GCNT2: variants seen among roughly 807,000 people sequenced by gnomAD.
GCNT2 encodes the protein glucosaminyl (N-acetyl) transferase 2 (I blood group), also known as N-acetyllactosaminide beta-1,6-N-acetylglucosaminyl-transferase.
In GCNT2, 34 loss-of-function variants were observed where a neutral mutation model predicts 34.2. The ratio of observed to expected loss-of-function variants is 1.00; its 90% CI spans 0.76 to 1.32. The LOEUF is 1.32. GCNT2 is among the 40% of genes most tolerant of loss of function. GCNT2 has a pLI of 0.00. For missense variants in GCNT2, 584 were observed against 489.4 expected, an observed-to-expected ratio of 1.19 and a Z score of -1.82; for synonymous variants, 212 against 188.0, an observed-to-expected ratio of 1.13 and a Z score of -1.04.
chr6:10,601,430 A>G (rs1368161053), intron 3 of GCNT2, among the ~76,000 whole-genome samples: 1 of 152,166 alleles, frequency 6.6e-6, no homozygotes, highest in African/African-American at 2.4e-5. Flanking sequence ...CAGACTCATA[A>G]AAGTTGCCAT....
intron 2 of GCNT2, among the ~76,000 whole-genome samples, chr6:10,528,200 C>T (rs967439276): frequency 1.3e-5 from 2 of 152,142 alleles, no homozygotes; most frequent in Non-Finnish European, 2.9e-5. Context: ...CTTTACCCAG[C>T]AGCAGACAAA....
intron 1 of GCNT2, among the ~76,000 whole-genome samples, chr6:10,523,094 A>AT (rs2113467776): frequency 6.6e-6 from 1 of 152,326 alleles, no homozygotes; most frequent in South Asian, 2.1e-4. Flanking sequence ...TCAGTCTTGC[A>AT]TTGCCTCAAA....
chr6:10,555,415 G>C (rs556979383), intron 3 of GCNT2, among the ~76,000 whole-genome samples: 1 of 152,218 alleles, frequency 6.6e-6, no homozygotes, highest in East Asian at 1.9e-4. Context: ...AAGCTTAACT[G>C]GGCAGGCATA....
chr6:10,614,462 A>C (rs1387798258), intron 3 of GCNT2, among the ~76,000 whole-genome samples: 1 of 152,030 alleles, frequency 6.6e-6, no homozygotes, highest in Non-Finnish European at 1.5e-5. Context: ...TATCTCTACT[A>C]AAAATACAAA....
chr6:10,607,510 C>T (rs1027705224), intron 3 of GCNT2, among the ~76,000 whole-genome samples: 6 of 152,114 alleles, frequency 3.9e-5, no homozygotes, highest in Non-Finnish European at 7.4e-5. Context: ...CCAGCTCCAA[C>T]GCTGAGGATT....
At chr6:10,558,584 A>G (rs1206790358) in intron 3 of GCNT2, among the ~76,000 whole-genome samples, 2 of 152,232 alleles carry the variant, frequency 1.3e-5, no homozygotes, top group African/African-American at 4.8e-5. Flanking sequence ...TTTGGACTCA[A>G]TGAAAAATAC....
chr6:10,586,662 G>C lies in GCNT2; in HGVS notation c.926-34689G>C, dbSNP rs1410352877. ...CCCAGGGGTGCTGCCTCCTGACCAT[G>C]CAATTAAGCGAACTAAATATGTCCA... On this transcript the variant is annotated intron_variant, in intron 3 of 4. Coordinates refer to ENST00000495262, the MANE Select transcript of GCNT2 (RefSeq NM_145649.5). 1.9e-6 allele frequency: 3 copies of C among 1,614,034 alleles called. No homozygotes were observed. The African/African-American group carries it at 4.0e-5, about 22-fold the overall frequency.
intron 3 of GCNT2, among the ~76,000 whole-genome samples, chr6:10,605,208 A>AT (rs869167781): frequency 0.077 from 7,274 of 93,994 alleles, 528 homozygotes; most frequent in Middle Eastern, 0.083. Flanking sequence ...TCATGTAGGA[A>AT]TTTTTTTTTT....
intron 3 of GCNT2, among the ~76,000 whole-genome samples, chr6:10,613,867 G>T (rs1257579402): frequency 6.6e-6 from 1 of 152,180 alleles, no homozygotes; most frequent in African/African-American, 2.4e-5. Context: ...CTGGTTAGTG[G>T]CAAAGCTGGA....
intron 3 of GCNT2, among the ~76,000 whole-genome samples, chr6:10,611,334 C>CTTTT (rs200808872): frequency 3.7e-5 from 5 of 136,446 alleles, no homozygotes; most frequent in East Asian, 2.1e-4. Context: ...TTCTTTCTTT[C>CTTTT]TTTTTTTTTT....
intron 3 of GCNT2, among the ~76,000 whole-genome samples, chr6:10,590,374 G>T (rs891247686): frequency 7.3e-5 from 11 of 150,830 alleles, no homozygotes; most frequent in Non-Finnish European, 1.3e-4. Flanking sequence ...CTCCAGCCTG[G>T]GTGACAGAGT....
chr6:10,575,031 A>G (rs1763740181), intron 3 of GCNT2: 1 of 648,420 alleles, frequency 1.5e-6, no homozygotes, highest in East Asian at 2.9e-5. Flanking sequence ...GCTGGGGAAC[A>G]CTGCAGACTC....
At chr6:10,591,665 CCCT>C (rs1410856818) in intron 3 of GCNT2, among the ~76,000 whole-genome samples, 10 of 152,192 alleles carry the variant, frequency 6.6e-5, no homozygotes, top group South Asian at 2.1e-4. Context: ...GCCACCCACT[CCCT>C]CCTCCTGCTA....
intron 1 of GCNT2, among the ~76,000 whole-genome samples, chr6:10,523,938 A>C (rs1761054174): frequency 7.3e-6 from 1 of 137,514 alleles, no homozygotes; most frequent in Admixed American, 8.5e-5. Flanking sequence ...GCGCCACTGC[A>C]CTCCAGCCTG....
chr6:10,571,483 A>C (rs1265878320), intron 3 of GCNT2, among the ~76,000 whole-genome samples: 1 of 151,962 alleles, frequency 6.6e-6, no homozygotes, highest in Non-Finnish European at 1.5e-5. Flanking sequence ...CTCCCGAGTA[A>C]CTAGGATTAC....
chr6:10,598,473 C>G (rs1319556454), intron 3 of GCNT2, among the ~76,000 whole-genome samples: 1 of 152,206 alleles, frequency 6.6e-6, no homozygotes, highest in Admixed American at 6.5e-5. Context: ...CATTGAATTT[C>G]TCTCTTTGTC....
At chr6:10,592,963 G>A (rs186131172) in intron 3 of GCNT2, among the ~76,000 whole-genome samples, 5 of 152,158 alleles carry the variant, frequency 3.3e-5, no homozygotes, top group Non-Finnish European at 5.9e-5. Flanking sequence ...AGGTGGTCTC[G>A]ATCTCTTGAC....
chr6:10,580,667 C>T (rs1242536803), intron 3 of GCNT2, among the ~76,000 whole-genome samples: 4 of 151,912 alleles, frequency 2.6e-5, no homozygotes, highest in African/African-American at 4.8e-5. Context: ...TGATGAAGAA[C>T]GGCAAGGATT....
rs1034379984 is a variant in GCNT2, at chr6:10,534,139, CTCT to C, written c.925+4305_925+4307del. Among the ~76,000 whole-genome samples, 24 of 123,230 alleles carry C rather than the reference CTCT, an allele frequency of 1.9e-4. 4 individuals carry two copies. The highest frequency in any genetic ancestry group is 5.3e-4 in the Admixed American group (6 of 11,350). 80.8% of individuals were successfully genotyped at this position (123,230 alleles called of 152,430 possible). A position where few individuals can be genotyped will look rare whatever the true frequency, so the allele number is the denominator to read the frequency against. On this transcript the variant is annotated intron_variant, in intron 3 of 4. Coordinates refer to ENST00000495262, the MANE Select transcript of GCNT2 (RefSeq NM_145649.5). ...CTGGTATCTGCCAGATTCCATGCTGCTCTTTTTTTTTTTTTTTTTTAAGATGGA... is the reference window on the plus strand; with the variant it reads ...CTGGTATCTGCCAGATTCCATGCTGCTTTTTTTTTTTTTTTTTAAGATGGA...
Sources: gnomAD v4.1 joint callset for allele counts (sites outside exome capture counted in the v4.1 genomes callset) on GRCh38, gnomAD v4.1.1 for gene constraint, MANE v1.5 for transcripts, NCBI Gene and HGNC (gene_info 2026-07-23, HGNC 2026-07-21) for gene names.